SND1: variants seen among roughly 807,000 people sequenced by gnomAD.
SND1 encodes staphylococcal nuclease domain-containing protein 1.
Under a neutral mutation model 121.7 loss-of-function variants are expected in SND1, and 38 were observed. That is an observed-to-expected ratio of 0.31 (90% CI 0.24 to 0.41). The LOEUF (loss-of-function observed/expected upper bound fraction) is 0.41, where lower values mean the gene tolerates loss of function less well. Among genes scored for constraint, SND1 ranks in the 10% least tolerant of loss-of-function variants. The probability of loss-of-function intolerance (pLI) is 1.00; values close to 1 mark genes in which losing one functional copy is unlikely to be tolerated. For synonymous variants in SND1, 401 were observed against 447.4 expected (o/e 0.90, Z 1.31); for missense variants, 868 against 1,184.6 (o/e 0.73, Z 3.92).
intron 22 of SND1, among the ~76,000 whole-genome samples, chr7:128,090,872 G>C (rs931011011): frequency 6.6e-6 from 1 of 152,298 alleles, no homozygotes; most frequent in Non-Finnish European, 1.5e-5. Flanking sequence ...TAGGAGGTCA[G>C]CTTCAGCCTC....
rs62481455 is a variant in SND1 at position 127,988,421 on chromosome 7, G to A, written c.1670-2526G>A. On this transcript the variant is annotated intron_variant, in intron 15 of 23. Coordinates refer to ENST00000354725, the MANE Select transcript of SND1 (RefSeq NM_014390.4). The stretch of plus-strand genomic sequence containing the variant: ...AACTGCTGGGAAGTGGACTAGCAAC[G>A]TAACAAAGGCCCTTCTTTGCCTTTG... Among the ~76,000 whole-genome samples the A allele has an allele frequency of 6.1e-3, 929 of 152,306 alleles. 12 individuals carry two copies. The highest frequency in any genetic ancestry group is 7.0e-3 in the Non-Finnish European group (476 of 68,018).
intron 14 of SND1, 84 bp downstream of exon 14, chr7:127,904,903 T>C: frequency 1.1e-6 from 1 of 885,922 alleles, no homozygotes; most frequent in South Asian, 1.4e-5. Context: ...TCAGCTTATG[T>C]ATTTTCTCTA....
rs1314453991 is a variant in SND1, at chr7:127,668,192, AT to A, written c.78+15742del. 3.9e-5 allele frequency among the ~76,000 whole-genome samples: 6 copies of A among 152,218 alleles called. No homozygotes were observed. In the East Asian group the frequency reaches 1.2e-3, roughly 29 times the overall value. On this transcript the variant is annotated intron_variant, in intron 1 of 23. Transcript: ENST00000354725. The stretch of plus-strand genomic sequence containing the variant: ...GAATCAGAATCTGCATTTTTACAAG[AT>A]CCCCAGGTGATTGATGTTTGCACAG...
chr7:127,877,764 TG>T (rs1274739577), intron 12 of SND1, among the ~76,000 whole-genome samples: 4 of 152,062 alleles, frequency 2.6e-5, no homozygotes, highest in Non-Finnish European at 5.9e-5. Context: ...CAGGTATCTT[TG>T]GTTTTGTTTC....
intron 1 of SND1, among the ~76,000 whole-genome samples, chr7:127,669,132 A>G (rs1795471234): frequency 1.3e-5 from 2 of 152,138 alleles, no homozygotes; most frequent in African/African-American, 2.4e-5. Flanking sequence ...AGCTGGGACT[A>G]CAGGCGCTCG....
At chr7:127,973,078 C>T (rs1802036437) in intron 15 of SND1, among the ~76,000 whole-genome samples, 1 of 152,148 alleles carries the variant, frequency 6.6e-6, no homozygotes, top group African/African-American at 2.4e-5. Flanking sequence ...GTGCAGCCTG[C>T]CTAGGCCGCA....
chr7:127,736,435 C>T (rs988845984), intron 10 of SND1, among the ~76,000 whole-genome samples: 1 of 152,140 alleles, frequency 6.6e-6, no homozygotes, highest in Non-Finnish European at 1.5e-5. Context: ...TTAATGTGGA[C>T]GTGTCATAAT....
In SND1 at chr7:128,052,119, G is replaced by A. The variant is rs577292492; in HGVS notation, c.1780-22383G>A. 1.3e-5 allele frequency among the ~76,000 whole-genome samples: 2 copies of A among 152,276 alleles called. No individual in the cohort carries two copies. Among genetic ancestry groups the A allele is most frequent in the East Asian group, 3.9e-4 (2 of 5,176 alleles). Reference sequence around the variant, plus strand: ...CATTTGCTTTGGGGAGGAAGCATTGGGACAGATGACCTTCAGTTCAGTTGG... The same window carrying A: ...CATTTGCTTTGGGGAGGAAGCATTGAGACAGATGACCTTCAGTTCAGTTGG... On this transcript the variant is annotated intron_variant, in intron 16 of 23. Coordinates refer to ENST00000354725, the MANE Select transcript of SND1 (RefSeq NM_014390.4). This position sits in a 1 kb window ranked among gnomAD's most constrained non-coding sequence, Gnocchi z 4.6.
chr7:127,657,225 T>C (rs895230975), intron 1 of SND1, among the ~76,000 whole-genome samples: 1 of 152,186 alleles, frequency 6.6e-6, no homozygotes, highest in African/African-American at 2.4e-5. Context: ...CCTTATGGCT[T>C]ATGGAGGAGT....
At chr7:127,860,508 C>A (rs1471209544) in intron 12 of SND1, among the ~76,000 whole-genome samples, 1 of 152,166 alleles carries the variant, frequency 6.6e-6, no homozygotes, top group Non-Finnish European at 1.5e-5. Flanking sequence ...GGCCTGATTG[C>A]CATTAGCCAC....
chr7:128,007,503 T>C (rs936628508), intron 16 of SND1, among the ~76,000 whole-genome samples: 7 of 152,208 alleles, frequency 4.6e-5, no homozygotes, highest in Non-Finnish European at 7.3e-5. Context: ...CCTGCTCCAC[T>C]GGGGCTCCAG....
chr7:127,766,991 A>C (rs1797434289), intron 10 of SND1, among the ~76,000 whole-genome samples: 1 of 151,952 alleles, frequency 6.6e-6, no homozygotes. Flanking sequence ...AACAAAATAC[A>C]GCTCATGGCA....
At chr7:127,934,906 G>A (rs1295510536) in intron 15 of SND1, among the ~76,000 whole-genome samples, 1 of 152,088 alleles carries the variant, frequency 6.6e-6, no homozygotes, top group Non-Finnish European at 1.5e-5. Flanking sequence ...TGCATGGAGC[G>A]GGCTGAGTGT....
At chr7:127,882,442 A>T (rs1001697107) in intron 12 of SND1, among the ~76,000 whole-genome samples, 1 of 49,958 alleles carries the variant, frequency 2.0e-5, no homozygotes, top group Non-Finnish European at 3.9e-5. Flanking sequence ...AGGGGAGGGG[A>T]GGGGAAGAGA....
intron 1 of SND1, among the ~76,000 whole-genome samples, chr7:127,680,107 C>T (rs1795691239): frequency 6.6e-6 from 1 of 152,064 alleles, no homozygotes; most frequent in African/African-American, 2.4e-5. Context: ...TCCGTGATGC[C>T]CCCTGAGCCG....
Position 127,722,469 on chromosome 7 carries a change from C to G in SND1, c.1152+1069C>G, listed in dbSNP as rs554978270. 1.3e-4 allele frequency among the ~76,000 whole-genome samples: 19 copies of G among 151,936 alleles called. 1 individual carries two copies. In the South Asian group the frequency reaches 4.0e-3, roughly 32 times the overall value. ...GAGTAGCTAGGACTATAGGTGTGAG[C>G]CACTGCACCCAACTTATCTACCTTT... is the stretch of plus-strand genomic sequence containing the variant. On this transcript the variant is annotated intron_variant, in intron 10 of 23. Transcript: ENST00000354725.
At chr7:127,794,327 A>C (rs554040850) in intron 10 of SND1, among the ~76,000 whole-genome samples, 1 of 152,316 alleles carries the variant, frequency 6.6e-6, no homozygotes, top group African/African-American at 2.4e-5. Context: ...GTGTGCACTT[A>C]CATAATTCAG....
intron 16 of SND1, among the ~76,000 whole-genome samples, chr7:127,996,372 C>T (rs1398728788): frequency 6.6e-6 from 1 of 152,094 alleles, no homozygotes; most frequent in African/African-American, 2.4e-5. Flanking sequence ...CTGCTCTAAG[C>T]AGTTTCAAGT....
chr7:127,856,202 C>T (rs1008396095), intron 12 of SND1, among the ~76,000 whole-genome samples: 1 of 152,152 alleles, frequency 6.6e-6, no homozygotes, highest in Non-Finnish European at 1.5e-5. Flanking sequence ...TTAGTAGGCA[C>T]ACAATTTATT....
Sources: gnomAD v4.1 joint callset for allele counts (sites outside exome capture counted in the v4.1 genomes callset) on GRCh38, gnomAD v4.1.1 for gene constraint, Gnocchi (gnomAD v3.1) non-coding constraint, MANE v1.5 for transcripts, NCBI Gene and HGNC (gene_info 2026-07-23, HGNC 2026-07-21) for gene names.